The following ASB2 variants were observed in gnomAD, a reference collection of about 807,000 sequenced individuals.
ASB2 encodes the protein ankyrin repeat and SOCS box protein 2.
Under a neutral mutation model 62.4 loss-of-function variants are expected in ASB2, and 58 were observed. That is an observed-to-expected ratio of 0.93 (90% CI 0.75 to 1.16). The LOEUF (loss-of-function observed/expected upper bound fraction) is 1.16. Among genes scored for constraint, ASB2 ranks in the 50% most tolerant of loss-of-function variants. The probability of loss-of-function intolerance (pLI) is 0.00; values close to 1 mark genes in which losing one functional copy is unlikely to be tolerated. For synonymous variants in ASB2, 386 were observed against 385.3 expected (o/e 1.00, Z -0.02); for missense variants, 928 against 887.9 (o/e 1.05, Z -0.57).
chr14:93,974,983 C>T (rs539497222), intron 1 of ASB2, among the ~76,000 whole-genome samples: 1 of 152,236 alleles, frequency 6.6e-6, no homozygotes, highest in African/African-American at 2.4e-5. Context: ...CAGCATGGCA[C>T]CCAGCGGAGC....
rs549026067 is a variant in ASB2 at position 93,963,743 on chromosome 14, A to G, written c.206+591T>C. 4.0e-4 allele frequency among the ~76,000 whole-genome samples: 61 copies of G among 152,386 alleles called. 2 individuals are homozygous for G. The South Asian group carries it at 0.012, about 30-fold the overall frequency. On this transcript the variant is annotated intron_variant, in intron 2 of 9. Transcript: ENST00000555019. ...GTGATACTTCAGATGTGAACTATCA[A>G]TGAAAATTAATTTCACCTGTTTCTC...
At chr14:93,948,956 C>G (rs541678328) in intron 6 of ASB2, among the ~76,000 whole-genome samples, 3 of 152,300 alleles carry the variant, frequency 2.0e-5, no homozygotes, top group African/African-American at 7.2e-5. Flanking sequence ...AAAAACAAAA[C>G]AAAACCCAGA....
intron 6 of ASB2, among the ~76,000 whole-genome samples, chr14:93,949,208 T>C (rs915552032): frequency 2.6e-5 from 4 of 152,228 alleles, no homozygotes; most frequent in African/African-American, 9.6e-5. Flanking sequence ...CCACAGGTCA[T>C]CTCTCTAAGC....
chr14:93,972,677 TCATCTCTGC>T (rs1889793273), intron 1 of ASB2, among the ~76,000 whole-genome samples: 2 of 152,180 alleles, frequency 1.3e-5, no homozygotes, highest in South Asian at 4.1e-4. Context: ...TCTGGAGGCT[TCATCTCTGC>T]TCTGGCTAAG....
At position 93,934,610 on chromosome 14, in the gene ASB2, A is replaced by G. The variant is rs1888203132; in HGVS notation, c.*46T>C. Reference sequence around the variant, plus strand: ...TGGGAACACCGACGTCCTGAGACTTAGTAAGAAGAGTCTGAGGGGCTACTC... The same window carrying G: ...TGGGAACACCGACGTCCTGAGACTTGGTAAGAAGAGTCTGAGGGGCTACTC... On this transcript the variant is annotated 3_prime_UTR_variant, in exon 10 of 10. Coordinates refer to ENST00000555019, the MANE Select transcript of ASB2 (RefSeq NM_001202429.2). 6.2e-7 allele frequency: 1 copy of G among 1,602,730 alleles called. No individual in the cohort carries two copies.
chr14:93,954,079 A>T (rs1188171794), intron 4 of ASB2: 1 of 554,350 alleles, frequency 1.8e-6, no homozygotes, highest in African/African-American at 1.9e-5. Context: ...GCCCTCCCTC[A>T]TTCCTTTTCT....
In ASB2 at chr14:93,954,319, C is replaced by T. The variant is rs375831081; in HGVS notation, c.476G>A (p.Arg159Gln). ...CACCGTCAGAGCCCAGCCCTCACCT[C>T]GCTGCAGGACTTTCAGGCAGCCCAC... is the stretch of plus-strand genomic sequence containing the variant. ...GQVGCLKVLQ[R>Q]AYPGTIDQRT... The change falls in exon 4 of 10, where the codon CGA becomes CAA. Residue 159 changes from arginine (R) to glutamine (Q), a missense_variant and splice_region_variant. Physicochemically the swap from Arg to Gln is conservative, Grantham distance 43. Coordinates refer to ENST00000555019, the MANE Select transcript of ASB2 (RefSeq NM_001202429.2). 7.1e-5 allele frequency: 114 copies of T among 1,612,628 alleles called. No individual in the cohort carries two copies. Among genetic ancestry groups the T allele is most frequent in the African/African-American group, 2.8e-4 (21 of 75,034 alleles).
intron 7 of ASB2, among the ~76,000 whole-genome samples, chr14:93,944,484 G>A (rs1193649835): frequency 6.6e-6 from 1 of 152,248 alleles, no homozygotes; most frequent in African/African-American, 2.4e-5. Flanking sequence ...GGGACGGATG[G>A]CCAGGGTGTG....
chr14:93,947,808 A>C (rs1888792613), intron 6 of ASB2, among the ~76,000 whole-genome samples: 1 of 151,984 alleles, frequency 6.6e-6, no homozygotes, highest in African/African-American at 2.4e-5. Flanking sequence ...AGCCCGGCCA[A>C]CATGGTGAAA....
chr14:93,943,443 G>A (rs1488087165), intron 7 of ASB2, among the ~76,000 whole-genome samples: 2 of 152,218 alleles, frequency 1.3e-5, no homozygotes, highest in Non-Finnish European at 1.5e-5. Flanking sequence ...TCAGGAGTTC[G>A]AGACCAGCCC....
intron 1 of ASB2, among the ~76,000 whole-genome samples, chr14:93,970,807 G>T (rs145839186): frequency 2.0e-5 from 3 of 152,122 alleles, no homozygotes; most frequent in Non-Finnish European, 4.4e-5. Flanking sequence ...AGGTTACTCG[G>T]TGCCTCACTT....
In ASB2 at chr14:93,944,023, G is replaced by C. The variant is rs745659178; in HGVS notation, c.1052+3326C>G. ...AGAATGCAAGTCTGTGTTTTCTGTTGGCCACAGAAGAGGCTCTAAGATCCT... is the reference window on the plus strand; with the variant it reads ...AGAATGCAAGTCTGTGTTTTCTGTTCGCCACAGAAGAGGCTCTAAGATCCT... On this transcript the variant is annotated intron_variant, in intron 7 of 9. Coordinates refer to ENST00000555019, the MANE Select transcript of ASB2 (RefSeq NM_001202429.2). 23 of 455,920 alleles carry C rather than the reference G, an allele frequency of 5.0e-5. 1 individual carries two copies. Among genetic ancestry groups the C allele is most frequent in the South Asian group, 2.6e-4 (17 of 64,558 alleles). The allele number at this position is 455,920 out of a possible 1,614,324, so 28.2% of individuals were successfully genotyped here. A position where few individuals can be genotyped will look rare whatever the true frequency, so the allele number is the denominator to read the frequency against.
intron 1 of ASB2, among the ~76,000 whole-genome samples, chr14:93,973,292 A>C (rs118013187): frequency 0.012 from 1,848 of 152,312 alleles, 16 homozygotes; most frequent in Non-Finnish European, 0.02. Flanking sequence ...TGCTGATCCA[A>C]ATCTTGGTGA....
intron 3 of ASB2, among the ~76,000 whole-genome samples, chr14:93,954,849 C>A (rs1889118729): frequency 1.3e-5 from 2 of 152,224 alleles, no homozygotes; most frequent in Non-Finnish European, 2.9e-5. Flanking sequence ...GGGGCCCCCT[C>A]TTAACCCTGA....
At position 93,959,493 on chromosome 14, in the gene ASB2, C is replaced by T. The variant is rs1251547112; in HGVS notation, c.207-2623G>A. Among the ~76,000 whole-genome samples, 8 of 152,296 alleles carry T rather than the reference C, an allele frequency of 5.3e-5. No homozygotes were observed. The East Asian group carries it at 1.5e-3, about 29-fold the overall frequency. On this transcript the variant is annotated intron_variant, in intron 2 of 9. Transcript: ENST00000555019. Reference sequence around the variant, plus strand: ...GCTCTCGCCAATCAAGGCTGGAGGCCCCATTTCCCCTCGGGCCCCAAGCAG... The same window carrying T: ...GCTCTCGCCAATCAAGGCTGGAGGCTCCATTTCCCCTCGGGCCCCAAGCAG...
chr14:93,963,010 G>A (rs187873340), intron 2 of ASB2, among the ~76,000 whole-genome samples: 38 of 149,964 alleles, frequency 2.5e-4, no homozygotes, highest in African/African-American at 8.2e-4. Context: ...TACTCTTTCC[G>A]GCTGCCCAAA....
chr14:93,951,125 C>T lies in ASB2; in HGVS notation c.754G>A (p.Glu252Lys), dbSNP rs1334893545. 6 of 1,614,118 alleles carry T rather than the reference C, an allele frequency of 3.7e-6. No individual in the cohort carries two copies. Among genetic ancestry groups the T allele is most frequent in the Non-Finnish European group, 8.5e-7 (1 of 1,180,062 alleles). ...CCGCTCACCAGGATCTGCATGACCT[C>T]CAGGTCATTGCGAGACACAGACTCG... ...LHESVSRNDL[E>K]VMQILVSGGA... Residue 252 changes from glutamate (E) to lysine (K), a missense_variant, in exon 6 of 10, where the codon GAG becomes AAG. Coordinates refer to ENST00000555019, the MANE Select transcript of ASB2 (RefSeq NM_001202429.2).
chr14:93,962,875 A>G (rs1384028094), intron 2 of ASB2, among the ~76,000 whole-genome samples: 1 of 152,220 alleles, frequency 6.6e-6, no homozygotes, highest in Non-Finnish European at 1.5e-5. Flanking sequence ...CGGCCAGAAC[A>G]GGAACCAGGG....
chr14:93,936,200 A>G (rs1029527515), intron 9 of ASB2, among the ~76,000 whole-genome samples: 4 of 152,252 alleles, frequency 2.6e-5, no homozygotes, highest in East Asian at 1.9e-4. Context: ...AAGGATGTCA[A>G]TGTTGTAGCA....
Sources: gnomAD v4.1 joint callset for allele counts (sites outside exome capture counted in the v4.1 genomes callset) on GRCh38, gnomAD v4.1.1 for gene constraint, MANE v1.5 for transcripts, NCBI Gene and HGNC (gene_info 2026-07-23, HGNC 2026-07-21) for gene names.